Variants in IFNL3 observed in about 807,000 individuals in gnomAD.
The protein encoded by IFNL3 is interferon lambda 3, also known as interferon lambda-3.
Under a neutral mutation model 16.3 loss-of-function variants are expected in IFNL3, and 16 were observed. That is an observed-to-expected ratio of 0.98 (90% CI 0.67 to 1.50). The LOEUF (loss-of-function observed/expected upper bound fraction) is 1.50, where lower values mean the gene tolerates loss of function less well. IFNL3 is among the 40% of genes most tolerant of loss of function. The pLI, the probability that IFNL3 is intolerant of heterozygous loss-of-function variation, is 0.00. For missense variants in IFNL3, 254 were observed against 253.5 expected, an observed-to-expected ratio of 1.00 and a Z score of -0.01; for synonymous variants, 115 against 115.3, an observed-to-expected ratio of 1.00 and a Z score of 0.02.
rs1274072452 is a variant in IFNL3, at chr19:39,243,829, T to C, written c.487A>G (p.Lys163Glu). ...HWLHRLQEAP[K>E]KESPGCLEAS... ...TCTCTTCCCGGGTCACTCACCTTTT[T>C]TGGGGCCTCCTGGAGCCGGTGCAGC... Residue 163 changes from lysine (K) to glutamate (E), a missense_variant, in exon 4 of 5, where the codon AAA (lysine) becomes GAA (glutamate). By Grantham distance (56) the Lys-to-Glu change is moderately conservative. Coordinates refer to ENST00000413851, the MANE Select transcript of IFNL3 (RefSeq NM_172139.4). 9.3e-6 allele frequency: 15 copies of C among 1,613,764 alleles called. No individual in the cohort carries two copies. The highest frequency in any genetic ancestry group is 2.2e-5 in the East Asian group (1 of 44,894).
In IFNL3 at chr19:39,244,461, G is replaced by A. The variant is rs202143862; in HGVS notation, c.214C>T (p.Arg72Cys). The A allele has an allele frequency of 1.7e-5, 27 of 1,610,818 alleles. No individual in the cohort carries two copies. The highest frequency in any genetic ancestry group is 1.7e-4 in the Middle Eastern group (1 of 5,942). ...ESLLLKDCKC[R>C]SRLFPRTWDL... The stretch of plus-strand genomic sequence containing the variant: ...CAGGTCCTGGGGAAGAGGCGGGAGC[G>A]GCACTTGCAGTCCTTCAGCAGAAGC... The change falls in exon 2 of 5, where the codon CGC (arginine) becomes TGC (cysteine). Residue 72 changes from arginine (R) to cysteine (C), a missense_variant. Coordinates refer to ENST00000413851, the MANE Select transcript of IFNL3 (RefSeq NM_172139.4).
rs1384601825 is a variant in IFNL3 at position 39,244,789 on chromosome 19, A to G, written c.179T>C (p.Leu60Ser). 2 of 1,611,584 alleles carry G rather than the reference A, an allele frequency of 1.2e-6. No individual in the cohort carries two copies. Among genetic ancestry groups the G allele is most frequent in the East Asian group, 4.5e-5 (2 of 44,826 alleles). The change falls in exon 1 of 5, where the codon TTA becomes TCA. Residue 60 changes from leucine (L) to serine (S), a missense_variant and splice_region_variant. By Grantham distance (145) the Leu-to-Ser change is moderately radical. Coordinates refer to ENST00000413851, the MANE Select transcript of IFNL3 (RefSeq NM_172139.4). ...GCAGGAGGGCAGGGGGAGACTCACTAAGGCATCTTTGGCCCTCTTAAAGGC... is the reference window on the plus strand; with the variant it reads ...GCAGGAGGGCAGGGGGAGACTCACTGAGGCATCTTTGGCCCTCTTAAAGGC... ...LQAFKRAKDA[L>S]EESLLLKDCK...
At position 39,243,741 on chromosome 19, in the gene IFNL3, G is replaced by A. The variant is rs200546901; in HGVS notation, c.493-11C>T. On this transcript the variant is annotated splice_polypyrimidine_tract_variant and intron_variant, in intron 4 of 4. Transcript: ENST00000413851. ...GCAGCCAGGGGACTCCTGTAGGGAG[G>A]AGGGGATGGGTCAGGGGCTGTCTGG... The A allele has an allele frequency of 5.0e-6, 8 of 1,612,928 alleles. No homozygotes were observed. Among genetic ancestry groups the A allele is most frequent in the Middle Eastern group, 1.7e-4 (1 of 6,060 alleles).
At position 39,244,148 on chromosome 19, in the gene IFNL3, G is replaced by A. The variant is rs151331735; in HGVS notation, c.268C>T (p.Arg90Cys). ...AGCTCAGCCTCCAAAGCCACGGGGC[G>A]CTCCCTCACCTGAGGAGAGGTGAGA... ...WDLRQLQVRE[R>C]PVALEAELAL... The change falls in exon 3 of 5, where the codon CGC becomes TGC. Residue 90 changes from arginine to cysteine, a missense_variant. Transcript: ENST00000413851. The A allele has an allele frequency of 2.6e-5, 42 of 1,614,136 alleles. No homozygotes were observed. Among genetic ancestry groups the A allele is most frequent in the African/African-American group, 2.0e-4 (15 of 75,054 alleles).
chr19:39,244,548 C>T (rs1001017756), intron 1 of IFNL3, 54 bp from the exon 2 acceptor site: 96 of 1,549,322 alleles, frequency 6.2e-5, no homozygotes, highest in South Asian at 4.5e-4. Context: ...GGTTAGACCA[C>T]TCTGATGGGA....
intron 1 of IFNL3, 50 bp from the exon 2 acceptor site, chr19:39,244,544 A>T: frequency 6.4e-7 from 1 of 1,565,282 alleles, no homozygotes; most frequent in Non-Finnish European, 8.7e-7. Context: ...TGGAGGTTAG[A>T]CCACTCTGAT....
intron 3 of IFNL3, 27 bp downstream of exon 3, chr19:39,243,981 C>T (rs202125919): frequency 6.2e-7 from 1 of 1,612,206 alleles, no homozygotes; most frequent in Non-Finnish European, 8.5e-7. Context: ...GCTCACAGAC[C>T]TGGGTGCCCG....
At chr19:39,244,553 A>G (rs892654058) in intron 1 of IFNL3, 59 bp from the exon 2 acceptor site, 93 of 1,536,024 alleles carry the variant, frequency 6.1e-5, no homozygotes, top group South Asian at 4.5e-4. Context: ...GACCACTCTG[A>G]TGGGATTGGA....
rs767306139 is a variant in IFNL3, at chr19:39,244,747, G to A, written c.180+41C>T. On this transcript the variant is annotated intron_variant, in intron 1 of 4. Coordinates refer to ENST00000413851, the MANE Select transcript of IFNL3 (RefSeq NM_172139.4). Reference sequence around the variant, plus strand: ...AAGCATGGTGACCCTTGGAGTGCGGGTGGAGGCTAGTCCATGGCAGGAGGG... The same window carrying A: ...AAGCATGGTGACCCTTGGAGTGCGGATGGAGGCTAGTCCATGGCAGGAGGG... 1.3e-5 allele frequency: 20 copies of A among 1,594,292 alleles called. No individual in the cohort carries two copies. In the Admixed American group the frequency reaches 2.9e-4, roughly 23 times the overall value.
chr19:39,244,870 T>G lies in IFNL3; in HGVS notation c.98A>C (p.Asp33Ala). 1 of 1,613,934 alleles carries G rather than the reference T, an allele frequency of 6.2e-7. No homozygotes were observed. Among genetic ancestry groups the G allele is most frequent in the South Asian group, 1.1e-5 (1 of 91,072 alleles). Residue 33 changes from aspartate (D) to alanine (A), a missense_variant, in exon 1 of 5, where the codon GAT (aspartate) becomes GCT (alanine). Physicochemically the swap from Asp to Ala is moderately radical, Grantham distance 126. Transcript: ENST00000413851. ...CTGGGCTATGTGGCAGCCCCTTGCA[T>G]CCGGGAGAGCCCCGCGGAGCCTGGC... ...PVARLRGALP[D>A]ARGCHIAQFK...
In IFNL3 at chr19:39,244,466, T is replaced by C. The variant is rs8103142; in HGVS notation, c.209A>G (p.Lys70Arg). ...LEESLLLKDC[K>R]CRSRLFPRTW... ...CCTGGGGAAGAGGCGGGAGCGGCAC[T>C]TGCAGTCCTTCAGCAGAAGCGACTC... is the stretch of plus-strand genomic sequence containing the variant. Residue 70 changes from lysine (K) to arginine (R), a missense_variant, in exon 2 of 5, where the codon AAG becomes AGG. Transcript: ENST00000413851. The C allele has an allele frequency of 0.31, 484,108 of 1,562,762 alleles. 85,144 individuals are homozygous for C. The highest frequency in any genetic ancestry group is 0.63 in the African/African-American group (46,518 of 73,518).
rs1199999071 is a variant in IFNL3, at chr19:39,243,608, C to T, written c.*24G>A. On this transcript the variant is annotated 3_prime_UTR_variant, in exon 5 of 5. Transcript: ENST00000413851. Reference sequence around the variant, plus strand: ...AGTGGCTAATTTATAAATAAAATCTCAGGTTGCATGACTGGCGGAAGGGTC... The same window carrying T: ...AGTGGCTAATTTATAAATAAAATCTTAGGTTGCATGACTGGCGGAAGGGTC... 1 of 1,558,550 alleles carries T rather than the reference C, an allele frequency of 6.4e-7. No individual in the cohort carries two copies. The highest frequency in any genetic ancestry group is 1.4e-5 in the African/African-American group (1 of 73,392).
chr19:39,244,612 G>A (rs1025648810), intron 1 of IFNL3, 118 bp from the exon 2 acceptor site: 2 of 1,381,436 alleles, frequency 1.4e-6, no homozygotes, highest in African/African-American at 2.9e-5. Flanking sequence ...GAGGATGGTA[G>A]AGGACCCTCT....
intron 4 of IFNL3, 31 bp downstream of exon 4, chr19:39,243,793 A>C (rs1600452341): frequency 6.2e-7 from 1 of 1,613,244 alleles, no homozygotes; most frequent in South Asian, 1.1e-5. Flanking sequence ...GGCTCCCCAG[A>C]CCTCAGTCCC....
At chr19:39,243,524 G>T, downstream of IFNL3, 1 of 1,230,118 alleles carries the variant, frequency 8.1e-7, no homozygotes, top group South Asian at 1.4e-5. Flanking sequence ...TCCTGGAGGT[G>T]AGTTGGATTT....
chr19:39,244,951 A>C lies in IFNL3; in HGVS notation c.17T>G (p.Met6Arg), dbSNP rs71356848. The change falls in exon 1 of 5, where the codon ATG becomes AGG. Residue 6 changes from methionine (M) to arginine (R), a missense_variant. Transcript: ENST00000413851. MTGDC[M>R]PVLVLMAAVL... ...TGCGGCCATCAGCACCAGCACTGGC[A>C]TGCAGTCCCCGGTCATGTCTGTGTC... 6.2e-7 allele frequency: 1 copy of C among 1,612,936 alleles called. No homozygotes were observed. The highest frequency in any genetic ancestry group is 8.5e-7 in the Non-Finnish European group (1 of 1,179,106).
Position 39,243,673 on chromosome 19 carries a change from G to T in IFNL3, c.550C>A (p.Arg184=). The T allele has an allele frequency of 6.2e-7, 1 of 1,606,258 alleles. No homozygotes were observed. Among genetic ancestry groups the T allele is most frequent in the Non-Finnish European group, 8.5e-7 (1 of 1,176,494 alleles). The change falls in exon 5 of 5, where the codon CGA becomes AGA. Residue 184 remains arginine (R), a synonymous_variant. Coordinates refer to ENST00000413851, the MANE Select transcript of IFNL3 (RefSeq NM_172139.4). The part of the protein sequence containing the change: ...VTFNLFRLLT[R]DLNCVASGDL... ...CCGCTGGCAACACAATTCAGGTCTC[G>T]CGTGAGGAGGCGGAAGAGGTTGAAG...
Position 39,244,090 on chromosome 19 carries a change from G to A in IFNL3, c.326C>T (p.Ala109Val). 6.2e-7 allele frequency: 1 copy of A among 1,614,232 alleles called. No individual in the cohort carries two copies. Among genetic ancestry groups the A allele is most frequent in the Non-Finnish European group, 8.5e-7 (1 of 1,180,050 alleles). ...ATCCCCCAGGGCTGGGTCAGTGTCA[G>A]CGGTGGCCTCCAGAACCTTCAGCGT... ...ALTLKVLEAT[A>V]DTDPALGDVL... is the part of the protein sequence containing the mutation. Residue 109 changes from alanine (A) to valine (V), a missense_variant, in exon 3 of 5, where the codon GCT becomes GTT. Coordinates refer to ENST00000413851, the MANE Select transcript of IFNL3 (RefSeq NM_172139.4).
At position 39,244,449 on chromosome 19, in the gene IFNL3, A is replaced by G; in HGVS notation, c.226T>C (p.Phe76Leu). 6.2e-7 allele frequency: 1 copy of G among 1,611,074 alleles called. No homozygotes were observed. Among genetic ancestry groups the G allele is most frequent in the Non-Finnish European group, 8.5e-7 (1 of 1,178,586 alleles). ...TGCCTCAGGTCCCAGGTCCTGGGGA[A>G]GAGGCGGGAGCGGCACTTGCAGTCC... Reference protein sequence around the residue: ...LKDCKCRSRLFPRTWDLRQLQ... With the variant: ...LKDCKCRSRLLPRTWDLRQLQ... Residue 76 changes from phenylalanine (F) to leucine (L), a missense_variant, in exon 2 of 5, where the codon TTC (phenylalanine) becomes CTC (leucine). Physicochemically the swap from Phe to Leu is conservative, Grantham distance 22 (BLOSUM62 0). Coordinates refer to ENST00000413851, the MANE Select transcript of IFNL3 (RefSeq NM_172139.4).
Sources: gnomAD v4.1 joint callset for allele counts on GRCh38, gnomAD v4.1.1 for gene constraint, MANE v1.5 for transcripts, NCBI Gene and HGNC (gene_info 2026-07-23, HGNC 2026-07-21) for gene names.